ARHGAP24: variants seen among roughly 807,000 people sequenced by gnomAD.
ARHGAP24 encodes rho GTPase-activating protein 24.
A neutral mutation model predicts 76.4 loss-of-function variants in ARHGAP24; 50 were observed. The ratio of observed to expected loss-of-function variants is 0.65; its 90% CI spans 0.52 to 0.83. The LOEUF is 0.83. Ranked by LOEUF, ARHGAP24 falls within the 40% of genes least tolerant of loss-of-function variation. The probability of loss-of-function intolerance (pLI) is 0.00; values close to 1 mark genes in which losing one functional copy is unlikely to be tolerated. For missense variants in ARHGAP24, 930 were observed against 914.2 expected (o/e 1.02, Z -0.22); for synonymous variants, 345 against 323.3 (o/e 1.07, Z -0.72).
At chr4:85,925,038 T>C (rs927769953) in intron 4 of ARHGAP24, among the ~76,000 whole-genome samples, 6 of 152,170 alleles carry the variant, frequency 3.9e-5, no homozygotes, top group African/African-American at 1.4e-4. Flanking sequence ...ATGTAAAATA[T>C]TTGAAAACAC....
intron 3 of ARHGAP24, among the ~76,000 whole-genome samples, chr4:85,735,903 T>A (rs999897857): frequency 9.9e-5 from 15 of 152,178 alleles, no homozygotes; most frequent in South Asian, 2.1e-4. Context: ...CCTATTTTTT[T>A]AAAAAAATCT....
In ARHGAP24 at chr4:85,622,272, G is replaced by A. The variant is rs1487035399; in HGVS notation, c.180+51551G>A. ...CTCCCCCCACCCCAAACAGTCCCCG[G>A]TGTGTGATGTTCCCCTTCCTGTGTC... On this transcript the variant is annotated intron_variant, in intron 2 of 9. Transcript: ENST00000395184. Among the ~76,000 whole-genome samples, 26 of 108,540 alleles carry A rather than the reference G, an allele frequency of 2.4e-4. No individual in the cohort carries two copies. The East Asian group carries it at 8.2e-3, about 34-fold the overall frequency. 71.2% of individuals were successfully genotyped at this position (108,540 alleles called of 152,430 possible). A position where few individuals can be genotyped will look rare whatever the true frequency, so the allele number is the denominator to read the frequency against.
chr4:85,698,030 G>A (rs1214370962), intron 2 of ARHGAP24, among the ~76,000 whole-genome samples: 1 of 152,178 alleles, frequency 6.6e-6, no homozygotes, highest in Non-Finnish European at 1.5e-5. Context: ...AGCAAGAAGT[G>A]TGTATTTGAG....
rs1210109366 is a variant in ARHGAP24, at chr4:85,733,060, C to CTTT, written c.268+11107_268+11109dup. 6.5e-4 allele frequency among the ~76,000 whole-genome samples: 36 copies of CTTT among 55,210 alleles called. 14 individuals are homozygous for CTTT. The highest frequency in any genetic ancestry group is 1.9e-3 in the Admixed American group (5 of 2,590). The allele number at this position is 55,210 out of a possible 152,430, so 36.2% of individuals were successfully genotyped here. ...CTATAGATCTTATAGGCCTCACCAACTTTTTTTTTTTTTTTTTTTTTGAGA... is the reference window on the plus strand; with the variant it reads ...CTATAGATCTTATAGGCCTCACCAACTTTTTTTTTTTTTTTTTTTTTTTTGAGA... On this transcript the variant is annotated intron_variant, in intron 3 of 9. Coordinates refer to ENST00000395184, the MANE Select transcript of ARHGAP24 (RefSeq NM_001025616.3).
At chr4:85,804,891 C>T (rs949735051) in intron 3 of ARHGAP24, among the ~76,000 whole-genome samples, 1 of 151,994 alleles carries the variant, frequency 6.6e-6, no homozygotes, top group African/African-American at 2.4e-5. Context: ...GTTCAAAGAC[C>T]CATGGAGCTT....
At chr4:85,788,837 G>T (rs1176168869) in intron 3 of ARHGAP24, among the ~76,000 whole-genome samples, 1 of 152,152 alleles carries the variant, frequency 6.6e-6, no homozygotes, top group South Asian at 2.1e-4. Context: ...AAGATTCCCA[G>T]AAAGTAACAC....
chr4:85,667,974 G>A (rs10020774), intron 2 of ARHGAP24, among the ~76,000 whole-genome samples: 6 of 152,158 alleles, frequency 3.9e-5, no homozygotes, highest in African/African-American at 9.7e-5. Flanking sequence ...AAACAAATAC[G>A]ATGTTTTGCT....
At chr4:85,522,016 A>G (rs1724790011) in intron 1 of ARHGAP24, among the ~76,000 whole-genome samples, 1 of 152,206 alleles carries the variant, frequency 6.6e-6, no homozygotes, top group Non-Finnish European at 1.5e-5. Flanking sequence ...AAGTTTTAAA[A>G]AACAGGAAAT....
At chr4:85,667,110 A>C (rs1248666308) in intron 2 of ARHGAP24, among the ~76,000 whole-genome samples, 9 of 152,316 alleles carry the variant, frequency 5.9e-5, no homozygotes, top group Middle Eastern at 3.4e-3. Context: ...GGTGGAGCCT[A>C]CAGAGGCAGG....
At chr4:85,656,336 T>G (rs923061945) in intron 2 of ARHGAP24, among the ~76,000 whole-genome samples, 1 of 152,208 alleles carries the variant, frequency 6.6e-6, no homozygotes, top group African/African-American at 2.4e-5. Context: ...AACATTAAGC[T>G]GAAACATTTC....
At chr4:85,752,568 A>G (rs12510813) in intron 3 of ARHGAP24, among the ~76,000 whole-genome samples, 34,327 of 152,094 alleles carry the variant, frequency 0.23, 4,399 homozygotes, top group East Asian at 0.54. Context: ...TTTTTTACAG[A>G]TGAGAAAAGT....
At chr4:85,639,732 GC>G (rs1721455375) in intron 2 of ARHGAP24, among the ~76,000 whole-genome samples, 1 of 150,436 alleles carries the variant, frequency 6.6e-6, no homozygotes, top group African/African-American at 2.4e-5. Context: ...GGAGAAGTTT[GC>G]CTTTTTTTCA....
chr4:85,562,511 C>A (rs1726637867), intron 1 of ARHGAP24, among the ~76,000 whole-genome samples: 1 of 148,996 alleles, frequency 6.7e-6, no homozygotes, highest in African/African-American at 2.4e-5. Context: ...TTATGTCTGA[C>A]ACAGGGTAGA....
At chr4:85,661,878 T>A (rs1326874500) in intron 2 of ARHGAP24, among the ~76,000 whole-genome samples, 1 of 152,294 alleles carries the variant, frequency 6.6e-6, no homozygotes, top group East Asian at 1.9e-4. Context: ...TAGAATTCCA[T>A]GGTGTATATG....
At chr4:85,619,867 C>G (rs1010501330) in intron 2 of ARHGAP24, among the ~76,000 whole-genome samples, 1 of 151,738 alleles carries the variant, frequency 6.6e-6, no homozygotes, top group Non-Finnish European at 1.5e-5. Flanking sequence ...TTTTTATTAT[C>G]ATGAAATGAT....
intron 5 of ARHGAP24, among the ~76,000 whole-genome samples, chr4:85,967,307 C>A (rs1210231990): frequency 6.6e-6 from 1 of 152,068 alleles, no homozygotes; most frequent in Admixed American, 6.6e-5. Context: ...AATATAAACT[C>A]AAACGAAGAA....
chr4:85,819,875 G>A (rs991205088), intron 3 of ARHGAP24, among the ~76,000 whole-genome samples: 18 of 149,554 alleles, frequency 1.2e-4, no homozygotes, highest in African/African-American at 1.3e-4. Flanking sequence ...AGCTGACATC[G>A]TGCCATTGCA....
intron 3 of ARHGAP24, among the ~76,000 whole-genome samples, chr4:85,745,512 C>T (rs779157630): frequency 4.0e-5 from 6 of 149,228 alleles, no homozygotes; most frequent in Non-Finnish European, 8.9e-5. Context: ...GATCCCTTCA[C>T]TCCAGGAGTT....
Position 85,994,629 on chromosome 4 carries a change from T to C in ARHGAP24, c.975T>C (p.His325=). The change falls in exon 9 of 10, where the codon CAT becomes CAC. Residue 325 remains histidine, a synonymous_variant. Transcript: ENST00000395184. ...QQLMSVMISK[H]DCLFPKDAEL... Reference sequence around the variant, plus strand: ...TGATGTCAGTGATGATTAGCAAACATGATTGCCTCTTTCCCAAAGATGCAG... The same window carrying C: ...TGATGTCAGTGATGATTAGCAAACACGATTGCCTCTTTCCCAAAGATGCAG... The C allele has an allele frequency of 6.2e-7, 1 of 1,614,182 alleles. No homozygotes were observed. Among genetic ancestry groups the C allele is most frequent in the Non-Finnish European group, 8.5e-7 (1 of 1,180,040 alleles).
Sources: gnomAD v4.1 joint callset for allele counts (sites outside exome capture counted in the v4.1 genomes callset) on GRCh38, gnomAD v4.1.1 for gene constraint, MANE v1.5 for transcripts, NCBI Gene and HGNC (gene_info 2026-07-23, HGNC 2026-07-21) for gene names.